PDS5A: variants seen among roughly 807,000 people sequenced by gnomAD.
PDS5A encodes PDS5 cohesin associated factor A, also known as sister chromatid cohesion protein PDS5 homolog A.
In PDS5A, 42 loss-of-function variants were observed where a neutral mutation model predicts 167.1. The observed-to-expected ratio is 0.25, with a 90% CI of 0.20 to 0.33. PDS5A has a LOEUF of 0.33. Among genes scored for constraint, PDS5A ranks in the 10% least tolerant of loss-of-function variants. The pLI, the probability that PDS5A is intolerant of heterozygous loss-of-function variation, is 1.00. For missense variants in PDS5A, 1,033 were observed against 1,605.9 expected, an observed-to-expected ratio of 0.64 and a Z score of 6.10; for synonymous variants, 553 against 554.6, an observed-to-expected ratio of 1.00 and a Z score of 0.04.
intron 2 of PDS5A, chr4:39,932,713 C>T (rs1052230224): frequency 6.6e-6 from 1 of 152,312 alleles, no homozygotes; most frequent in Non-Finnish European, 1.5e-5. Context: ...CGCCTATAAT[C>T]CCAGCTACTC....
At chr4:39,888,265 A>AAAAAAAG (rs1721657000) in intron 17 of PDS5A, among the ~76,000 whole-genome samples, 3 of 146,294 alleles carry the variant, frequency 2.1e-5, no homozygotes, top group African/African-American at 7.6e-5. Context: ...AAAAAAAAAA[A>AAAAAAAG]GGGCTTTTTA....
At chr4:39,920,961 A>G (rs999861073) in intron 6 of PDS5A, among the ~76,000 whole-genome samples, 1 of 152,304 alleles carries the variant, frequency 6.6e-6, no homozygotes, top group African/African-American at 2.4e-5. Context: ...ACCTTAGAAA[A>G]TATATTATTT....
In PDS5A at chr4:39,925,951, A is replaced by T; in HGVS notation, c.430-18T>A. 2 of 858,500 alleles carry T rather than the reference A, an allele frequency of 2.3e-6. No homozygotes were observed. The highest frequency in any genetic ancestry group is 3.5e-6 in the Non-Finnish European group (2 of 576,548). 53.2% of individuals were successfully genotyped at this position (858,500 alleles called of 1,614,324 possible). On this transcript the variant is annotated intron_variant, in intron 4 of 32. Transcript: ENST00000303538. The stretch of plus-strand genomic sequence containing the variant: ...GCTAAATTCTTAAATAAATAAAAAT[A>T]ATTATTGAATTATACATATATACAG...
chr4:39,845,682 G>C, intron 29 of PDS5A, 136 bp downstream of exon 29: 1 of 991,218 alleles, frequency 1.0e-6, no homozygotes, highest in African/African-American at 1.7e-5. Flanking sequence ...GGCTGCTTTA[G>C]ATGCTTTAAA....
intron 28 of PDS5A, chr4:39,848,596 A>G: frequency 2.6e-6 from 1 of 392,074 alleles, no homozygotes; most frequent in Non-Finnish European, 4.6e-6. Flanking sequence ...AAATGAGATT[A>G]AAATAATTTT....
At chr4:39,935,723 A>C (rs899964022) in intron 2 of PDS5A, among the ~76,000 whole-genome samples, 1 of 152,252 alleles carries the variant, frequency 6.6e-6, no homozygotes, top group South Asian at 2.1e-4. Flanking sequence ...CCAACTCAAC[A>C]TAAAAATGAG....
chr4:39,920,682 A>C (rs1724876739), intron 6 of PDS5A, among the ~76,000 whole-genome samples: 1 of 152,242 alleles, frequency 6.6e-6, no homozygotes, highest in African/African-American at 2.4e-5. Flanking sequence ...ATTAAACTCA[A>C]AACAGACCTA....
intron 23 of PDS5A, among the ~76,000 whole-genome samples, chr4:39,865,442 T>C (rs1719351436): frequency 6.6e-6 from 1 of 152,226 alleles, no homozygotes; most frequent in South Asian, 2.1e-4. Flanking sequence ...ATAGTCCCAC[T>C]ACTCAGGAGG....
At chr4:39,881,050 C>G (rs190989610) in intron 17 of PDS5A, among the ~76,000 whole-genome samples, 153 of 151,946 alleles carry the variant, frequency 1.0e-3, no homozygotes, top group African/African-American at 3.5e-3. Context: ...GTGAGAACAT[C>G]TGGTATTTAA....
chr4:39,874,460 A>G (rs571974738), intron 19 of PDS5A, 48 bp from the exon 20 acceptor site: 2 of 1,531,798 alleles, frequency 1.3e-6, no homozygotes, highest in South Asian at 1.1e-5. Flanking sequence ...CCATAAACCA[A>G]CAAGTATTCC....
chr4:39,829,163 T>G (rs1715585354), intron 32 of PDS5A, among the ~76,000 whole-genome samples: 1 of 152,176 alleles, frequency 6.6e-6, no homozygotes, highest in African/African-American at 2.4e-5. Flanking sequence ...TGTAATGATA[T>G]AAAACCTTAA....
chr4:39,935,845 C>CATTT (rs958467434), intron 2 of PDS5A, among the ~76,000 whole-genome samples: 2 of 152,122 alleles, frequency 1.3e-5, no homozygotes, highest in Non-Finnish European at 2.9e-5. Context: ...TTTAAAGATG[C>CATTT]ATTTAACATT....
chr4:39,894,882 C>T (rs28668472), intron 16 of PDS5A, among the ~76,000 whole-genome samples: 7,468 of 152,118 alleles, frequency 0.049, 293 homozygotes, highest in East Asian at 0.23. Context: ...CCTCCCCCTG[C>T]CCACACACAC....
At position 39,977,577 on chromosome 4, in the gene PDS5A, G is replaced by GCCGC. The variant is rs1553912185; in HGVS notation, c.-165_-162dup. Reference sequence around the variant, plus strand: ...CGCGGGTCCCGCCGCCGCCGCCGCCGCCGCCCGCCCGCCCGGGAGCGGCGC... The same window carrying GCCGC: ...CGCGGGTCCCGCCGCCGCCGCCGCCGCCGCCCGCCCGCCCGCCCGGGAGCGGCGC... On this transcript the variant is annotated 5_prime_UTR_variant, in exon 1 of 33. Coordinates refer to ENST00000303538, the MANE Select transcript of PDS5A (RefSeq NM_001100399.2). The surrounding 1 kb of genome is among the most constrained non-coding windows in gnomAD (Gnocchi z 4.2). The GCCGC allele has an allele frequency of 6.8e-5, 11 of 161,998 alleles. No individual in the cohort carries two copies. The highest frequency in any genetic ancestry group is 3.4e-4 in the South Asian group (2 of 5,832). 10.0% of individuals were successfully genotyped at this position (161,998 alleles called of 1,614,324 possible).
chr4:39,975,946 A>C (rs1731042919), intron 2 of PDS5A, among the ~76,000 whole-genome samples: 1 of 152,220 alleles, frequency 6.6e-6, no homozygotes, highest in Non-Finnish European at 1.5e-5. Flanking sequence ...TATAGACTTA[A>C]ATCATCTTAC....
intron 2 of PDS5A, among the ~76,000 whole-genome samples, chr4:39,968,278 C>T (rs1341232880): frequency 1.3e-5 from 2 of 151,210 alleles, no homozygotes; most frequent in African/African-American, 2.4e-5. Flanking sequence ...TTAAATGTCA[C>T]TTATTAGATG....
At position 39,913,822 on chromosome 4, in the gene PDS5A, C is replaced by T. The variant is rs1724106114; in HGVS notation, c.877-96G>A. The T allele has an allele frequency of 1.1e-5, 8 of 725,322 alleles. No individual in the cohort carries two copies. In the East Asian group the frequency reaches 2.0e-4, roughly 18 times the overall value. 44.9% of individuals were successfully genotyped at this position (725,322 alleles called of 1,614,324 possible). On this transcript the variant is annotated intron_variant, in intron 8 of 32. Transcript: ENST00000303538. ...CTCAAGAAGATACTATTTCATATTT[C>T]TGCTTATAACTGTGAGAAGTTTAAA...
intron 23 of PDS5A, among the ~76,000 whole-genome samples, chr4:39,866,341 A>C (rs1290111389): frequency 6.6e-6 from 1 of 150,922 alleles, no homozygotes; most frequent in African/African-American, 2.4e-5. Flanking sequence ...CTGGTCTTGA[A>C]CTCCTGACCT....
At chr4:39,934,614 TC>T (rs1198596043) in intron 2 of PDS5A, among the ~76,000 whole-genome samples, 87 of 131,982 alleles carry the variant, frequency 6.6e-4, no homozygotes, top group African/African-American at 2.1e-3. Context: ...TCTTTTTTTT[TC>T]TTTTTTTTTT....
Sources: allele counts gnomAD v4.1 joint callset (sites outside exome capture counted in the v4.1 genomes callset), GRCh38; gene constraint gnomAD v4.1.1; non-coding constraint Gnocchi (gnomAD v3.1); transcripts MANE v1.5; gene names NCBI Gene and HGNC (gene_info 2026-07-23, HGNC 2026-07-21).